Variants in RYR3 observed in about 807,000 individuals in gnomAD.
RYR3 encodes ryanodine receptor 3, also known as brain ryanodine receptor-calcium release channel.
Under a neutral mutation model 584.3 loss-of-function variants are expected in RYR3, and 207 were observed. The ratio of observed to expected loss-of-function variants is 0.35; its 90% CI spans 0.32 to 0.40. RYR3 has a LOEUF of 0.40. Among genes scored for constraint, RYR3 ranks in the 10% least tolerant of loss-of-function variants. RYR3 has a pLI of 1.00. For synonymous variants in RYR3, 2,416 were observed against 2,248.5 expected (o/e 1.07, Z -2.11); for missense variants, 5,616 against 6,089.2 (o/e 0.92, Z 2.59).
chr15:33,786,459 T>C (rs1167812366), intron 66 of RYR3, among the ~76,000 whole-genome samples: 1 of 151,712 alleles, frequency 6.6e-6, no homozygotes, highest in Non-Finnish European at 1.5e-5. Flanking sequence ...TCATGCGGGC[T>C]CACGGTAGTG....
chr15:33,575,989 C>A (rs1245429896), intron 12 of RYR3, among the ~76,000 whole-genome samples: 1 of 152,102 alleles, frequency 6.6e-6, no homozygotes, highest in Non-Finnish European at 1.5e-5. Context: ...CACCTCTATG[C>A]AAATAAACTA....
At chr15:33,842,391 T>C (rs1467602847) in intron 91 of RYR3, among the ~76,000 whole-genome samples, 1 of 152,232 alleles carries the variant, frequency 6.6e-6, no homozygotes, top group Non-Finnish European at 1.5e-5. Context: ...TTTGATCACG[T>C]GGGAATCAGA....
intron 3 of RYR3, among the ~76,000 whole-genome samples, chr15:33,521,319 T>A (rs117146506): frequency 2.0e-5 from 3 of 152,202 alleles, no homozygotes; most frequent in African/African-American, 7.2e-5. Flanking sequence ...AATTTACACC[T>A]TCTCAAATTA....
intron 100 of RYR3, among the ~76,000 whole-genome samples, chr15:33,860,234 GA>G (rs1429223220): frequency 3.3e-5 from 5 of 152,218 alleles, no homozygotes; most frequent in Admixed American, 2.6e-4. Context: ...AGTAACTGAG[GA>G]GGAACCCTGA....
At chr15:33,345,315 T>C (rs1427158938) in intron 1 of RYR3, among the ~76,000 whole-genome samples, 1 of 152,166 alleles carries the variant, frequency 6.6e-6, no homozygotes, top group Non-Finnish European at 1.5e-5. Context: ...TAAGATATCA[T>C]CTAGCAGCTA....
chr15:33,844,997 C>A lies in RYR3; in HGVS notation c.13432C>A (p.Arg4478Ser). 1.2e-6 allele frequency: 2 copies of A among 1,613,974 alleles called. No homozygotes were observed. The highest frequency in any genetic ancestry group is 1.7e-6 in the Non-Finnish European group (2 of 1,179,874). ...ESTGYMAPTL[R>S]ALAIIHTIIS... ...CACCGGGTATATGGCACCAACCCTGCGTGCCCTGGCCATCATCCATACCAT... is the reference window on the plus strand; with the variant it reads ...CACCGGGTATATGGCACCAACCCTGAGTGCCCTGGCCATCATCCATACCAT... The change falls in exon 93 of 104, where the codon CGT becomes AGT. Residue 4478 changes from arginine (R) to serine (S), a missense_variant. Around this residue, in one of 9 missense-constraint regions of RYR3, gnomAD observed 918 missense variants for 887.4 expected, o/e 1.03. Coordinates refer to ENST00000634891, the MANE Select transcript of RYR3 (RefSeq NM_001036.6).
chr15:33,614,853 A>T (rs539661629), intron 19 of RYR3, among the ~76,000 whole-genome samples: 25 of 151,994 alleles, frequency 1.6e-4, no homozygotes, highest in Admixed American at 1.6e-3. Context: ...AGAAAATAGG[A>T]GGAACTCATA....
chr15:33,413,591 G>C (rs1210996039), intron 1 of RYR3, among the ~76,000 whole-genome samples: 3 of 152,224 alleles, frequency 2.0e-5, no homozygotes, highest in African/African-American at 7.2e-5. Context: ...GTGGTCTGCA[G>C]ACTGACTTCT....
intron 43 of RYR3, among the ~76,000 whole-genome samples, chr15:33,712,629 G>A (rs73379329): frequency 0.079 from 12,043 of 152,172 alleles, 1,025 homozygotes; most frequent in African/African-American, 0.22. Flanking sequence ...ACAGTAGGTT[G>A]CCACAGGTGA....
chr15:33,726,607 C>A, intron 46 of RYR3, 101 bp downstream of exon 46: 1 of 1,312,930 alleles, frequency 7.6e-7, no homozygotes, highest in Non-Finnish European at 1.0e-6. Context: ...CCCTGACTTG[C>A]AGGGCGGGCT....
intron 31 of RYR3, among the ~76,000 whole-genome samples, chr15:33,652,131 G>A (rs763760983): frequency 2.6e-5 from 4 of 152,160 alleles, no homozygotes; most frequent in African/African-American, 4.8e-5. Flanking sequence ...CCAGTAGTGC[G>A]GGAGGCAGAA....
chr15:33,740,679 A>G (rs1186760343), intron 51 of RYR3, among the ~76,000 whole-genome samples: 3 of 152,228 alleles, frequency 2.0e-5, no homozygotes, highest in African/African-American at 7.2e-5. Flanking sequence ...AGTCAGCTCC[A>G]GGTGCATTTT....
chr15:33,640,663 C>A (rs1296927618), intron 27 of RYR3, among the ~76,000 whole-genome samples: 2 of 152,144 alleles, frequency 1.3e-5, no homozygotes, highest in Non-Finnish European at 2.9e-5. Flanking sequence ...CAGTATGAGG[C>A]CTTATAATAC....
rs144661483 is a variant in RYR3 at position 33,715,668 on chromosome 15, A to G, written c.6620-7047A>G. ...AGACTGGGAAGTTCAAGAACAAGGC[A>G]CCAGTAAGATTGATGTCTGGGAGGG... On this transcript the variant is annotated intron_variant, in intron 43 of 103. Transcript: ENST00000634891. 2.1e-4 allele frequency among the ~76,000 whole-genome samples: 32 copies of G among 152,314 alleles called. No homozygotes were observed. In the East Asian group the frequency reaches 5.2e-3, roughly 25 times the overall value.
chr15:33,779,336 A>G (rs772503698), intron 64 of RYR3, among the ~76,000 whole-genome samples: 3 of 152,080 alleles, frequency 2.0e-5, no homozygotes, highest in Non-Finnish European at 2.9e-5. Context: ...TCACAGGAAG[A>G]CTTAAGAACC....
intron 1 of RYR3, among the ~76,000 whole-genome samples, chr15:33,377,565 T>C (rs994985689): frequency 2.6e-5 from 4 of 152,238 alleles, no homozygotes; most frequent in African/African-American, 9.6e-5. Context: ...CCGATAACTT[T>C]CATATGCAAG....
intron 86 of RYR3, among the ~76,000 whole-genome samples, chr15:33,831,909 T>C (rs748890665): frequency 4.6e-5 from 7 of 152,126 alleles, no homozygotes; most frequent in Non-Finnish European, 8.8e-5. Flanking sequence ...CTGTGGTTCA[T>C]GAAAAGAAGC....
intron 1 of RYR3, among the ~76,000 whole-genome samples, chr15:33,334,810 A>G (rs867034954): frequency 1.3e-5 from 2 of 152,170 alleles, no homozygotes; most frequent in Non-Finnish European, 2.9e-5. Flanking sequence ...AGCCTCTGTA[A>G]GGAACTTAAA....
intron 38 of RYR3, among the ~76,000 whole-genome samples, chr15:33,675,403 C>T (rs1022863475): frequency 1.3e-5 from 2 of 152,216 alleles, no homozygotes; most frequent in African/African-American, 2.4e-5. Context: ...AACCTGAATT[C>T]AACGCCCATC....
Sources: gnomAD v4.1 joint callset for allele counts (sites outside exome capture counted in the v4.1 genomes callset) on GRCh38, gnomAD v4.1.1 for gene constraint, gnomAD v4.1.1 regional missense constraint, MANE v1.5 for transcripts, NCBI Gene and HGNC (gene_info 2026-07-23, HGNC 2026-07-21) for gene names.